Variants in F13A1 observed in about 807,000 individuals in gnomAD.
F13A1 encodes the protein coagulation factor XIII A chain, also known as FSF, A subunit.
Under a neutral mutation model 80.1 loss-of-function variants are expected in F13A1, and 47 were observed. The observed-to-expected ratio is 0.59, with a 90% confidence interval of 0.46 to 0.75. The LOEUF (loss-of-function observed/expected upper bound fraction) is 0.75, where lower values mean the gene tolerates loss of function less well. Among genes scored for constraint, F13A1 ranks in the 30% least tolerant of loss-of-function variants. F13A1 has a pLI of 0.00. For missense variants in F13A1, 817 were observed against 930.4 expected (o/e 0.88, Z 1.59); for synonymous variants, 349 against 344.9 (o/e 1.01, Z -0.13).
intron 10 of F13A1, among the ~76,000 whole-genome samples, chr6:6,190,962 A>G (rs377519698): frequency 2.8e-4 from 41 of 147,272 alleles, no homozygotes; most frequent in African/African-American, 6.3e-4. Context: ...AAAGCGCAGT[A>G]TTTGGGTGTG....
At chr6:6,238,591 G>C (rs1421578146) in intron 6 of F13A1, among the ~76,000 whole-genome samples, 1 of 151,952 alleles carries the variant, frequency 6.6e-6, no homozygotes, top group Non-Finnish European at 1.5e-5. Context: ...ACAAGCCATA[G>C]TTTGGGGAAA....
At position 6,305,524 on chromosome 6, in the gene F13A1, G is replaced by A. The variant is rs143616920; in HGVS notation, c.146C>T (p.Thr49Met). 112 of 1,614,180 alleles carry A rather than the reference G, an allele frequency of 6.9e-5. No homozygotes were observed. The African/African-American group carries it at 1.1e-3, about 16-fold the overall frequency. Residue 49 changes from threonine to methionine, a missense_variant, in exon 3 of 15, where the codon ACG (threonine) becomes ATG (methionine). Thr to Met is a moderately conservative substitution (Grantham distance 81). Coordinates refer to ENST00000264870, the MANE Select transcript of F13A1 (RefSeq NM_000129.4). ...TCTCTCCTTGAACAGGTGAACGCTC[G>A]TGACATTAAGAAACTCTATGAACAA... The part of the protein sequence containing the change: ...GVNLQEFLNV[T>M]SVHLFKERWD...
intron 8 of F13A1, among the ~76,000 whole-genome samples, chr6:6,198,405 G>A (rs1352135108): frequency 1.3e-5 from 2 of 152,146 alleles, no homozygotes; most frequent in Non-Finnish European, 2.9e-5. Flanking sequence ...AATAAAGAAA[G>A]ATTTAATAAT....
intron 8 of F13A1, among the ~76,000 whole-genome samples, chr6:6,210,572 T>G (rs576598212): frequency 6.6e-6 from 1 of 150,440 alleles, no homozygotes; most frequent in East Asian, 2.0e-4. Context: ...TTTCTGTATT[T>G]TTAGTAGAGA....
rs1396058161 is a variant in F13A1 at position 6,296,402 on chromosome 6, T to C, written c.319+8949A>G. On this transcript the variant is annotated intron_variant, in intron 3 of 14. Coordinates refer to ENST00000264870, the MANE Select transcript of F13A1 (RefSeq NM_000129.4). Reference sequence around the variant, plus strand: ...AGCATGGAATGTTCTTCCATTTGTTTGTATCCTCTTTTATTTCCTTGAGCA... The same window carrying C: ...AGCATGGAATGTTCTTCCATTTGTTCGTATCCTCTTTTATTTCCTTGAGCA... Among the ~76,000 whole-genome samples the C allele has an allele frequency of 1.8e-3, 265 of 145,416 alleles. 5 individuals are homozygous for C. Among genetic ancestry groups the C allele is most frequent in the African/African-American group, 6.7e-3 (257 of 38,208 alleles).
At chr6:6,210,326 T>TATATATATATATATATATAC in intron 8 of F13A1, among the ~76,000 whole-genome samples, 1 of 111,234 alleles carries the variant, frequency 9.0e-6, no homozygotes, top group African/African-American at 4.5e-5. Context: ...TAGCATGTGA[T>TATATATATATATATATATAC]ATATATATAT....
At chr6:6,296,203 G>A (rs932703239) in intron 3 of F13A1, among the ~76,000 whole-genome samples, 16 of 151,946 alleles carry the variant, frequency 1.1e-4, no homozygotes, top group African/African-American at 3.6e-4. Context: ...TTGTTCTTTT[G>A]GCTTAGGATT....
At chr6:6,253,102 T>C (rs1466186290) in intron 4 of F13A1, among the ~76,000 whole-genome samples, 1 of 125,904 alleles carries the variant, frequency 7.9e-6, no homozygotes, top group Non-Finnish European at 1.5e-5. Context: ...GAGATAGCAC[T>C]ACTGCACTCC....
intron 4 of F13A1, among the ~76,000 whole-genome samples, chr6:6,259,954 A>G (rs551435729): frequency 7.9e-5 from 12 of 152,348 alleles, no homozygotes; most frequent in Non-Finnish European, 1.3e-4. Context: ...CTAGACTACC[A>G]AACTGGAACA....
chr6:6,162,659 TAGC>T lies in F13A1; in HGVS notation c.1908+4796_1908+4798del, dbSNP rs1033651428. 1.3e-5 allele frequency among the ~76,000 whole-genome samples: 2 copies of T among 152,154 alleles called. No individual in the cohort carries two copies. The highest frequency in any genetic ancestry group is 2.4e-5 in the African/African-American group (1 of 41,442). On this transcript the variant is annotated intron_variant, in intron 13 of 14. Transcript: ENST00000264870. This position sits in a 1 kb window ranked among gnomAD's most constrained non-coding sequence, Gnocchi z 4.2. ...TAATAAACAGCAATAATGGCAATAA[TAGC>T]AGCAACCAACATATGTAGGTGTGCA...
intron 6 of F13A1, among the ~76,000 whole-genome samples, chr6:6,237,916 C>T (rs557064501): frequency 2.6e-5 from 4 of 152,216 alleles, no homozygotes; most frequent in East Asian, 3.9e-4. Flanking sequence ...ATCAAGACAA[C>T]GGGACAGTTA....
rs150893721 is a variant in F13A1, at chr6:6,184,328, G to A, written c.1306-2187C>T. Among the ~76,000 whole-genome samples the A allele has an allele frequency of 5.4e-3, 821 of 152,310 alleles. 4 individuals are homozygous for A. The highest frequency in any genetic ancestry group is 0.037 in the Middle Eastern group (11 of 294). The stretch of plus-strand genomic sequence containing the variant: ...TGGCCCTTGGCCTTCACGGCACACC[G>A]CCTTTCCCACACCACCCTGCGGGAG... On this transcript the variant is annotated intron_variant, in intron 10 of 14. Coordinates refer to ENST00000264870, the MANE Select transcript of F13A1 (RefSeq NM_000129.4).
chr6:6,209,448 A>G lies in F13A1; in HGVS notation c.1113-12122T>C, dbSNP rs189141438. On this transcript the variant is annotated intron_variant, in intron 8 of 14. Transcript: ENST00000264870. ...TGGAAAACAGTTTGGCACTTCATCA[A>G]AAGAAATTAAACATAGAGTTACCAT... is the stretch of plus-strand genomic sequence containing the variant. 4.6e-5 allele frequency among the ~76,000 whole-genome samples: 7 copies of G among 152,336 alleles called. No homozygotes were observed. In the East Asian group the frequency reaches 1.2e-3, roughly 25 times the overall value.
chr6:6,318,829 T>C (rs1242543726), intron 1 of F13A1, 147 bp from the exon 2 acceptor site: 5 of 800,026 alleles, frequency 6.2e-6, no homozygotes, highest in Non-Finnish European at 9.9e-6. Context: ...AAATAAAAAC[T>C]GAGAAGTGGC....
At chr6:6,208,363 AAAAC>A (rs1761530998) in intron 8 of F13A1, among the ~76,000 whole-genome samples, 2 of 152,204 alleles carry the variant, frequency 1.3e-5, no homozygotes, top group African/African-American at 2.4e-5. Context: ...GCAAAAAACT[AAAAC>A]AAAATCAAAG....
chr6:6,246,550 A>G (rs1045015232), intron 6 of F13A1, among the ~76,000 whole-genome samples: 16 of 152,224 alleles, frequency 1.1e-4, no homozygotes, highest in African/African-American at 3.6e-4. Flanking sequence ...TTCTCTGTCT[A>G]GTTTTAAATC....
intron 1 of F13A1, among the ~76,000 whole-genome samples, chr6:6,319,171 C>T (rs1758732863): frequency 1.3e-5 from 2 of 152,238 alleles, no homozygotes; most frequent in South Asian, 4.1e-4. Flanking sequence ...TTAATTCAAC[C>T]AATATTTATT....
chr6:6,167,675 T>G, intron 12 of F13A1, 57 bp from the exon 13 acceptor site: 1 of 1,594,098 alleles, frequency 6.3e-7, no homozygotes, highest in South Asian at 1.1e-5. Flanking sequence ...GGGTCTGCTT[T>G]ACTTTTCTCC....
intron 14 of F13A1, among the ~76,000 whole-genome samples, chr6:6,151,037 C>A (rs181391597): frequency 1.1e-3 from 173 of 152,286 alleles, no homozygotes; most frequent in Admixed American, 3.6e-3. Context: ...GGATCATTGG[C>A]AGGATCAAAT....
Sources: gnomAD v4.1 joint callset for allele counts (sites outside exome capture counted in the v4.1 genomes callset) on GRCh38, gnomAD v4.1.1 for gene constraint, Gnocchi (gnomAD v3.1) non-coding constraint, MANE v1.5 for transcripts, NCBI Gene and HGNC (gene_info 2026-07-23, HGNC 2026-07-21) for gene names.